PC: variants seen among roughly 807,000 people sequenced by gnomAD.
PC encodes the protein pyruvate carboxylase, also known as pyruvate carboxylase, mitochondrial.
Under a neutral mutation model 107.8 loss-of-function variants are expected in PC, and 46 were observed. The observed-to-expected ratio is 0.43, with a 90% CI of 0.34 to 0.55. The LOEUF (loss-of-function observed/expected upper bound fraction) is 0.55. Ranked by LOEUF, PC falls within the 20% of genes least tolerant of loss-of-function variation. The pLI is 0.04. For missense variants in PC, 1,241 were observed against 1,643.1 expected (o/e 0.76, Z 4.23); for synonymous variants, 662 against 684.7 (o/e 0.97, Z 0.52).
chr11:66,860,022 C>T (rs1243672632), intron 12 of PC: 14 of 1,585,662 alleles, frequency 8.8e-6, no homozygotes, highest in African/African-American at 1.3e-5. Flanking sequence ...CCCCCCGCCC[C>T]GGCCGCAGCG....
At chr11:66,947,722 C>G (rs746608979) in intron 3 of PC, among the ~76,000 whole-genome samples, 3 of 151,808 alleles carry the variant, frequency 2.0e-5, no homozygotes, top group Non-Finnish European at 4.4e-5. Flanking sequence ...CAACACTTTT[C>G]GAGGCTGAGG....
At chr11:66,876,681 C>T (rs1190945469) in intron 3 of PC, among the ~76,000 whole-genome samples, 1 of 152,164 alleles carries the variant, frequency 6.6e-6, no homozygotes, top group Non-Finnish European at 1.5e-5. Flanking sequence ...CGGATGCTGC[C>T]CACTAGGAGG....
At chr11:66,931,297 T>C (rs924612393) in intron 3 of PC, among the ~76,000 whole-genome samples, 3 of 149,142 alleles carry the variant, frequency 2.0e-5, no homozygotes, top group Middle Eastern at 3.5e-3. Context: ...GAGAATCACT[T>C]GAACCCAGGA....
At position 66,848,867 on chromosome 11, in the gene PC, G is replaced by C. The variant is rs1945298101; in HGVS notation, c.*32C>G. On this transcript the variant is annotated 3_prime_UTR_variant, in exon 23 of 23. Coordinates refer to ENST00000393960, the MANE Select transcript of PC (RefSeq NM_001040716.2). ...GCAGCACAGCTTCTGTTGAAGGCTT[G>C]GGGATGGCCAGGCTGCCGGTCTGGG... The C allele has an allele frequency of 1.2e-6, 2 of 1,613,036 alleles. No homozygotes were observed. The highest frequency in any genetic ancestry group is 1.7e-6 in the Non-Finnish European group (2 of 1,179,952).
At position 66,919,602 on chromosome 11, in the gene PC, C is replaced by A. The variant is rs551208898; in HGVS notation, c.-1+32828G>T. The stretch of plus-strand genomic sequence containing the variant: ...CAGTCAAATGGGCTCCAGCCAGAGG[C>A]AGTGAATACACCAGTGCTGAGGATC... On this transcript the variant is annotated intron_variant, in intron 3 of 22. Transcript: ENST00000393960. Among the ~76,000 whole-genome samples the A allele has an allele frequency of 2.0e-5, 3 of 152,152 alleles. No individual in the cohort carries two copies. In the South Asian group the frequency reaches 6.2e-4, roughly 32 times the overall value.
At position 66,857,786 on chromosome 11, in the gene PC, G is replaced by C. The variant is rs1488026356; in HGVS notation, c.1369-4403C>G. 6.3e-7 allele frequency: 1 copy of C among 1,597,034 alleles called. No individual in the cohort carries two copies. Among genetic ancestry groups the C allele is most frequent in the Non-Finnish European group, 8.5e-7 (1 of 1,178,198 alleles). ...TGCTGCTGCTGCTGGCCAGTGGAGC[G>C]GCCGCCTGCCCGCTGCCCTGCGTCT... On this transcript the variant is annotated intron_variant, in intron 12 of 22. Coordinates refer to ENST00000393960, the MANE Select transcript of PC (RefSeq NM_001040716.2). This position sits in a 1 kb window ranked among gnomAD's most constrained non-coding sequence, Gnocchi z 7.1.
intron 12 of PC, chr11:66,860,725 C>G: frequency 1.4e-6 from 1 of 700,210 alleles, no homozygotes; most frequent in Non-Finnish European, 2.6e-6. Context: ...GTGCAAAGAA[C>G]GCCCCTTCCT....
intron 3 of PC, among the ~76,000 whole-genome samples, chr11:66,892,852 C>G (rs1333500133): frequency 6.8e-6 from 1 of 147,852 alleles, no homozygotes; most frequent in Non-Finnish European, 1.5e-5. Context: ...AAGACTCCAT[C>G]TCAAAAAAAA....
chr11:66,915,414 TC>T (rs1355723885), intron 3 of PC, among the ~76,000 whole-genome samples: 1 of 152,178 alleles, frequency 6.6e-6, no homozygotes, highest in African/African-American at 2.4e-5. Flanking sequence ...CTTCTGCCAG[TC>T]CCCCCTGATG....
intron 12 of PC, among the ~76,000 whole-genome samples, chr11:66,855,329 C>CT (rs896698775): frequency 1.8e-4 from 28 of 151,844 alleles, no homozygotes; most frequent in South Asian, 4.2e-4. Flanking sequence ...TGAATGAAAA[C>CT]TTTTTTTTTG....
chr11:66,901,265 G>T (rs1275689736), intron 3 of PC, among the ~76,000 whole-genome samples: 1 of 152,170 alleles, frequency 6.6e-6, no homozygotes, highest in Non-Finnish European at 1.5e-5. Flanking sequence ...GTTTCCTGTA[G>T]GTCCAGCCGA....
At position 66,927,746 on chromosome 11, in the gene PC, A is replaced by C. The variant is rs181656116; in HGVS notation, c.-1+24684T>G. ...CTCAAAAAAAAAAAAAAAAGATAGA[A>C]TCTGGGATGCCAACTTTGGGTTCTG... On this transcript the variant is annotated intron_variant, in intron 3 of 22. Coordinates refer to ENST00000393960, the MANE Select transcript of PC (RefSeq NM_001040716.2). Among the ~76,000 whole-genome samples, 981 of 151,772 alleles carry C rather than the reference A, an allele frequency of 6.5e-3. 35 individuals are homozygous for C. The highest frequency in any genetic ancestry group is 0.059 in the Admixed American group (905 of 15,218).
intron 3 of PC, among the ~76,000 whole-genome samples, chr11:66,890,505 T>TTC (rs2136009274): frequency 6.6e-6 from 1 of 150,444 alleles, no homozygotes; most frequent in East Asian, 1.9e-4. Context: ...TTTCATCTTT[T>TTC]TTTTTTTTTT....
intron 3 of PC, among the ~76,000 whole-genome samples, chr11:66,879,459 G>C (rs1412059084): frequency 6.6e-6 from 1 of 152,348 alleles, no homozygotes; most frequent in East Asian, 1.9e-4. Context: ...GGGGGCACCT[G>C]TCCCAGAGCA....
Position 66,870,836 on chromosome 11 carries a change from A to G in PC, c.690T>C (p.Asn230=). ...AYSEALAAFG[N]GALFVEKFIE... ...TGAACTTCTCCACAAACAGCGCCCCATTCCCAAAGGCGGCCAGAGCCTCTG... is the reference window on the plus strand; with the variant it reads ...TGAACTTCTCCACAAACAGCGCCCCGTTCCCAAAGGCGGCCAGAGCCTCTG... The change falls in exon 8 of 23, where the codon AAT becomes AAC. Residue 230 remains asparagine (N), a synonymous_variant. Coordinates refer to ENST00000393960, the MANE Select transcript of PC (RefSeq NM_001040716.2). This position sits in a 1 kb window ranked among gnomAD's most constrained non-coding sequence, Gnocchi z 6.1. 3 of 1,613,670 alleles carry G rather than the reference A, an allele frequency of 1.9e-6. No homozygotes were observed. The highest frequency in any genetic ancestry group is 2.5e-6 in the Non-Finnish European group (3 of 1,179,966).
chr11:66,867,688 C>CT, intron 10 of PC, among the ~76,000 whole-genome samples: 1 of 152,352 alleles, frequency 6.6e-6, no homozygotes, highest in Admixed American at 6.5e-5. Context: ...CCCAATCTGT[C>CT]TGACACAAAA....
rs565208363 is a variant in PC, at chr11:66,905,056, T to C, written c.1-32897A>G. ...TGATTAGATTTCACCTCATCAGAGGTATCAAGTGTTTACTGAGCAACAAAC... is the reference window on the plus strand; with the variant it reads ...TGATTAGATTTCACCTCATCAGAGGCATCAAGTGTTTACTGAGCAACAAAC... On this transcript the variant is annotated intron_variant, in intron 3 of 22. Coordinates refer to ENST00000393960, the MANE Select transcript of PC (RefSeq NM_001040716.2). 3.3e-5 allele frequency among the ~76,000 whole-genome samples: 5 copies of C among 152,338 alleles called. No individual in the cohort carries two copies. In the South Asian group the frequency reaches 1.0e-3, roughly 32 times the overall value.
At position 66,923,884 on chromosome 11, in the gene PC, CAAAAAA is replaced by C. The variant is rs71045969; in HGVS notation, c.-1+28540_-1+28545del. 3.9e-3 allele frequency among the ~76,000 whole-genome samples: 432 copies of C among 111,016 alleles called. 2 individuals carry two copies. The highest frequency in any genetic ancestry group is 6.4e-3 in the Non-Finnish European group (360 of 56,270). 72.8% of individuals were successfully genotyped at this position (111,016 alleles called of 152,430 possible). A position where few individuals can be genotyped will look rare whatever the true frequency, so the allele number is the denominator to read the frequency against. On this transcript the variant is annotated intron_variant, in intron 3 of 22. Coordinates refer to ENST00000393960, the MANE Select transcript of PC (RefSeq NM_001040716.2). ...TTCAGAATGTCACAAGACCTCAAGG[CAAAAAA>C]AAAAAAAAAAAAGAGAAAAAGAAAA...
chr11:66,941,938 A>G (rs1295558615), intron 3 of PC, among the ~76,000 whole-genome samples: 1 of 152,022 alleles, frequency 6.6e-6, no homozygotes, highest in Non-Finnish European at 1.5e-5. Flanking sequence ...CCCCGTCTCT[A>G]ATAAAAATAT....
Sources: allele counts gnomAD v4.1 joint callset (sites outside exome capture counted in the v4.1 genomes callset), GRCh38; gene constraint gnomAD v4.1.1; non-coding constraint Gnocchi (gnomAD v3.1); transcripts MANE v1.5; gene names NCBI Gene and HGNC (gene_info 2026-07-23, HGNC 2026-07-21).